The following DST variants were observed in gnomAD, a reference collection of about 807,000 sequenced individuals.
DST encodes bullous pemphigoid antigen.
Under a neutral mutation model 875.2 loss-of-function variants are expected in DST, and 253 were observed. The ratio of observed to expected loss-of-function variants is 0.29; its 90% CI spans 0.26 to 0.32. The LOEUF (loss-of-function observed/expected upper bound fraction) is 0.32. Ranked by LOEUF, DST falls within the 10% of genes least tolerant of loss-of-function variation. DST has a pLI of 1.00. For missense variants in DST, 8,287 were observed against 9,111.6 expected (o/e 0.91, Z 3.68); for synonymous variants, 3,124 against 3,197.1 (o/e 0.98, Z 0.77).
chr6:56,527,779 G>A, intron 67 of DST, 45 bp from the exon 68 acceptor site: 1 of 1,549,736 alleles, frequency 6.5e-7, no homozygotes, highest in Non-Finnish European at 8.7e-7. Flanking sequence ...GAAAAAAAAG[G>A]CAGGGAGAGG....
At chr6:56,530,846 C>T (rs1316369147) in intron 64 of DST, among the ~76,000 whole-genome samples, 1 of 152,144 alleles carries the variant, frequency 6.6e-6, no homozygotes, top group Non-Finnish European at 1.5e-5. Flanking sequence ...AGCTATTGTT[C>T]TGGTCTGCAT....
Position 56,482,982 on chromosome 6 carries a change from T to C in DST, c.21208-105A>G, listed in dbSNP as rs2095447183. ...GCACATAACATCATGTAAAGATATC[T>C]AAGACCTACAGTTTAATAACCATAT... is the stretch of plus-strand genomic sequence containing the variant. On this transcript the variant is annotated intron_variant, in intron 88 of 103. Coordinates refer to ENST00000680361, the MANE Select transcript of DST (RefSeq NM_001374736.1). 5 of 789,122 alleles carry C rather than the reference T, an allele frequency of 6.3e-6. No homozygotes were observed. In the East Asian group the frequency reaches 1.5e-4, roughly 24 times the overall value. The allele number at this position is 789,122 out of a possible 1,614,324, so 48.9% of individuals were successfully genotyped here.
chr6:56,588,558 T>G (rs1487762352), intron 49 of DST, among the ~76,000 whole-genome samples: 1 of 152,190 alleles, frequency 6.6e-6, no homozygotes, highest in Non-Finnish European at 1.5e-5. Flanking sequence ...TGGCTTTCTA[T>G]TACTAGTGCC....
At chr6:56,901,566 G>A (rs1244320408) in intron 2 of DST, among the ~76,000 whole-genome samples, 3 of 152,164 alleles carry the variant, frequency 2.0e-5, no homozygotes, top group African/African-American at 7.2e-5. Flanking sequence ...CTGCACTCCA[G>A]CCCAGGTGAC....
chr6:56,692,716 G>A, intron 9 of DST: 1 of 1,289,504 alleles, frequency 7.8e-7, no homozygotes. Context: ...GTCTTTTTCT[G>A]AAATCCTTTC....
At position 56,532,382 on chromosome 6, in the gene DST, A is replaced by G. The variant is rs534757940; in HGVS notation, c.17070T>C (p.Asp5690=). 6 of 1,613,718 alleles carry G rather than the reference A, an allele frequency of 3.7e-6. No homozygotes were observed. Among genetic ancestry groups the G allele is most frequent in the African/African-American group, 2.7e-5 (2 of 75,050 alleles). Reference sequence around the variant, plus strand: ...TATTAAGCAATGCCTCCCATCTGCTATCCAAGAGACTGAGCTGTTTCAAAA... The same window carrying G: ...TATTAAGCAATGCCTCCCATCTGCTGTCCAAGAGACTGAGCTGTTTCAAAA... ...VKILKQLSLL[D]SRWEALLNKA... Residue 5690 remains aspartate, a synonymous_variant, in exon 64 of 104, where the codon GAT becomes GAC. Coordinates refer to ENST00000680361, the MANE Select transcript of DST (RefSeq NM_001374736.1).
chr6:56,703,618 G>A, intron 7 of DST, 30 bp downstream of exon 7: 1 of 887,806 alleles, frequency 1.1e-6, no homozygotes, highest in East Asian at 1.2e-4. Context: ...GGAACGGCTA[G>A]GTTAGTCAAG....
chr6:56,560,898 CA>C (rs2097527540), intron 57 of DST, among the ~76,000 whole-genome samples: 1 of 152,048 alleles, frequency 6.6e-6, no homozygotes, highest in Non-Finnish European at 1.5e-5. Flanking sequence ...GCCATTTTCC[CA>C]ACCTTGGCAG....
chr6:56,670,303 A>G (rs1227778715), intron 10 of DST, among the ~76,000 whole-genome samples: 1 of 151,896 alleles, frequency 6.6e-6, no homozygotes, highest in African/African-American at 2.4e-5. Context: ...ATCACAGCTC[A>G]CCGCAGCCTT....
At chr6:56,638,056 T>A (rs1044850856) in intron 22 of DST, among the ~76,000 whole-genome samples, 2 of 152,152 alleles carry the variant, frequency 1.3e-5, no homozygotes, top group Non-Finnish European at 2.9e-5. Flanking sequence ...GACAGGCCGA[T>A]GGGATCATAA....
At chr6:56,593,510 CCTT>C (rs1245027461) in intron 48 of DST, among the ~76,000 whole-genome samples, 150 bp downstream of exon 48, 1 of 44,382 alleles carries the variant, frequency 2.3e-5, no homozygotes, top group African/African-American at 1.2e-4. Context: ...GAGTGAGACT[CCTT>C]CTCAAAAAAA....
chr6:56,601,219 T>G (rs187946452), intron 44 of DST, among the ~76,000 whole-genome samples: 2 of 152,188 alleles, frequency 1.3e-5, no homozygotes, highest in East Asian at 3.9e-4. Context: ...GACTCTCACT[T>G]GAAGTTAAGT....
At chr6:56,681,524 G>T (rs1218028452) in intron 9 of DST, among the ~76,000 whole-genome samples, 2 of 152,150 alleles carry the variant, frequency 1.3e-5, no homozygotes, top group Non-Finnish European at 2.9e-5. Context: ...TGCCTCAGGG[G>T]TCTGTGTAAG....
chr6:56,569,769 T>C, intron 54 of DST, 87 bp downstream of exon 54: 3 of 1,221,998 alleles, frequency 2.5e-6, no homozygotes, highest in Non-Finnish European at 3.5e-6. Flanking sequence ...ACTTAGATGA[T>C]ATTAGATCAA....
Position 56,497,412 on chromosome 6 carries a change from C to A in DST, c.20190G>T (p.Pro6730=), listed in dbSNP as rs764337606. The A allele has an allele frequency of 9.3e-6, 15 of 1,613,078 alleles. No homozygotes were observed. The East Asian group carries it at 3.3e-4, about 36-fold the overall frequency. ...CATTAAGCTGCTCCTTGGCTGTTTC[C>A]GGTAAACCTCCCAGCGGTTTAGATG... ...LLASKPLGGL[P]ETAKEQLNVH... Residue 6730 remains proline, a synonymous_variant, in exon 82 of 104, where the codon CCG becomes CCT. Transcript: ENST00000680361.
intron 4 of DST, among the ~76,000 whole-genome samples, chr6:56,741,546 G>A (rs2099546906): frequency 6.6e-6 from 1 of 152,216 alleles, no homozygotes; most frequent in Admixed American, 6.5e-5. Flanking sequence ...CTTTCTTCAA[G>A]AGAGCAACCT....
In DST at chr6:56,458,267, G is replaced by A. The variant is rs1375983389; in HGVS notation, c.*738C>T. Reference sequence around the variant, plus strand: ...GTTAAGGGACGTGTTTTATTTCATAGCTTTCTGCAAGCAAAATTGCTCTGA... The same window carrying A: ...GTTAAGGGACGTGTTTTATTTCATAACTTTCTGCAAGCAAAATTGCTCTGA... On this transcript the variant is annotated 3_prime_UTR_variant, in exon 104 of 104. Coordinates refer to ENST00000680361, the MANE Select transcript of DST (RefSeq NM_001374736.1). The A allele has an allele frequency of 3.3e-5, 5 of 152,572 alleles. No individual in the cohort carries two copies. The East Asian group carries it at 9.6e-4, about 29-fold the overall frequency. 9.5% of individuals were successfully genotyped at this position (152,572 alleles called of 1,614,324 possible). A position where few individuals can be genotyped will look rare whatever the true frequency, so the allele number is the denominator to read the frequency against.
chr6:56,687,516 G>GACTA (rs2099195807), intron 9 of DST, among the ~76,000 whole-genome samples: 2 of 152,110 alleles, frequency 1.3e-5, no homozygotes, highest in South Asian at 4.1e-4. Context: ...TAGTGTGAGA[G>GACTA]ACTAAGAGGT....
In DST at chr6:56,535,143, C is replaced by T. The variant is rs1413280953; in HGVS notation, c.16920G>A (p.Lys5640=). Residue 5640 remains lysine, a synonymous_variant, in exon 63 of 104, where the codon AAG becomes AAA. Coordinates refer to ENST00000680361, the MANE Select transcript of DST (RefSeq NM_001374736.1). ...TTACCTTTTGTTCTTGTATCTGGGC[C>T]TTTACCACTTTGAACTCAGCCGACG... The part of the protein sequence containing the change: ...KPPSAEFKVV[K]AQIQEQKLLQ... 1.2e-6 allele frequency: 2 copies of T among 1,613,650 alleles called. No individual in the cohort carries two copies. The highest frequency in any genetic ancestry group is 4.5e-5 in the East Asian group (2 of 44,890).
Sources: gnomAD v4.1 joint callset for allele counts (sites outside exome capture counted in the v4.1 genomes callset) on GRCh38, gnomAD v4.1.1 for gene constraint, MANE v1.5 for transcripts, NCBI Gene and HGNC (gene_info 2026-07-23, HGNC 2026-07-21) for gene names.